KCTD1: variants seen among roughly 807,000 people sequenced by gnomAD.
The protein encoded by KCTD1 is BTB/POZ domain-containing protein KCTD1.
Under a neutral mutation model 66.0 loss-of-function variants are expected in KCTD1, and 24 were observed. That is an observed-to-expected ratio of 0.36 (90% CI 0.26 to 0.51). The LOEUF (loss-of-function observed/expected upper bound fraction) is 0.51, where lower values mean the gene tolerates loss of function less well. KCTD1 is among the 20% of genes least tolerant of loss of function. KCTD1 has a pLI of 0.95. For missense variants in KCTD1, 943 were observed against 1,205.2 expected, an observed-to-expected ratio of 0.78 and a Z score of 3.22; for synonymous variants, 511 against 517.2, an observed-to-expected ratio of 0.99 and a Z score of 0.16.
At chr18:26,487,074 C>T (rs1188735187) in intron 2 of KCTD1, among the ~76,000 whole-genome samples, 2 of 152,190 alleles carry the variant, frequency 1.3e-5, no homozygotes, top group Non-Finnish European at 2.9e-5. Context: ...ACACCCCCAC[C>T]TTACCCCTCC....
At chr18:26,548,807 T>A, upstream of KCTD1, 1 of 1,084,642 alleles carries the variant, frequency 9.2e-7, no homozygotes. Flanking sequence ...CCCACCCGGC[T>A]CCCACTTCTA....
At chr18:26,545,977 T>C (rs568675137) in intron 1 of KCTD1, among the ~76,000 whole-genome samples, 14 of 152,228 alleles carry the variant, frequency 9.2e-5, no homozygotes, top group Admixed American at 2.0e-4. Flanking sequence ...ATCTACTTCG[T>C]AGGTATTATC....
chr18:26,496,740 G>GCACGCACA (rs1555635322), intron 2 of KCTD1, among the ~76,000 whole-genome samples: 6 of 148,094 alleles, frequency 4.1e-5, no homozygotes, highest in African/African-American at 1.2e-4. Flanking sequence ...AAAAGCATGT[G>GCACGCACA]CACACACACA....
At chr18:26,466,884 C>T (rs1980762613) in intron 3 of KCTD1, among the ~76,000 whole-genome samples, 1 of 152,152 alleles carries the variant, frequency 6.6e-6, no homozygotes, top group South Asian at 2.1e-4. Context: ...CTACACATGA[C>T]AAGGCAACCA....
chr18:26,607,933 A>G (rs73405334), intron 1 of KCTD1, among the ~76,000 whole-genome samples: 2,247 of 152,116 alleles, frequency 0.015, 37 homozygotes, highest in African/African-American at 0.048. Context: ...ATACCTGGCT[A>G]ATTTTTAAAA....
chr18:26,536,924 A>T (rs941406404), intron 1 of KCTD1, among the ~76,000 whole-genome samples: 5 of 128,112 alleles, frequency 3.9e-5, no homozygotes, highest in South Asian at 2.3e-4. Context: ...TTCATAAATT[A>T]AAAAAAAAAA....
intron 1 of KCTD1, among the ~76,000 whole-genome samples, chr18:26,522,695 C>T (rs1043671777): frequency 6.6e-6 from 1 of 152,200 alleles, no homozygotes; most frequent in African/African-American, 2.4e-5. Flanking sequence ...AACAGCGAAT[C>T]TGCTTGGAGC....
chr18:26,617,476 A>T (rs1987280326), intron 1 of KCTD1, among the ~76,000 whole-genome samples: 1 of 152,234 alleles, frequency 6.6e-6, no homozygotes. Flanking sequence ...GAAATATGAT[A>T]TGGGAAAATC....
chr18:26,475,963 A>T (rs62087028), intron 3 of KCTD1, among the ~76,000 whole-genome samples: 28,375 of 152,184 alleles, frequency 0.19, 2,792 homozygotes, highest in Admixed American at 0.21. Flanking sequence ...AGAATCATCC[A>T]TTTGAAGAAA....
chr18:26,465,146 T>C (rs1217437693), intron 3 of KCTD1, among the ~76,000 whole-genome samples: 1 of 152,164 alleles, frequency 6.6e-6, no homozygotes, highest in East Asian at 1.9e-4. Flanking sequence ...TGCAATGGCA[T>C]GATCTTAGCT....
At chr18:26,601,464 T>C (rs1986898864) in intron 1 of KCTD1, among the ~76,000 whole-genome samples, 1 of 152,122 alleles carries the variant, frequency 6.6e-6, no homozygotes, top group Admixed American at 6.6e-5. Flanking sequence ...TCTATCCTTA[T>C]GATTACTGGA....
intron 1 of KCTD1, among the ~76,000 whole-genome samples, chr18:26,564,038 G>A (rs894108160): frequency 5.5e-5 from 8 of 144,784 alleles, no homozygotes; most frequent in East Asian, 2.0e-4. Flanking sequence ...TTTTGTATTC[G>A]CATTGCCTAG....
At chr18:26,617,301 A>G (rs1190809119) in intron 1 of KCTD1, among the ~76,000 whole-genome samples, 2 of 152,242 alleles carry the variant, frequency 1.3e-5, no homozygotes, top group Admixed American at 6.5e-5. Flanking sequence ...AACAGGCATT[A>G]CAGTAATCCA....
upstream of KCTD1, among the ~76,000 whole-genome samples, chr18:26,643,623 G>A (rs575066045): frequency 8.9e-4 from 135 of 152,314 alleles, 5 homozygotes; most frequent in South Asian, 0.025. Flanking sequence ...AACAGCCTCC[G>A]TGGGGAATGA....
chr18:26,570,811 C>G (rs151144828), intron 1 of KCTD1, among the ~76,000 whole-genome samples: 1 of 152,290 alleles, frequency 6.6e-6, no homozygotes, highest in African/African-American at 2.4e-5. Context: ...TTGTGTTGAA[C>G]CATCATAAGT....
chr18:26,567,511 A>G (rs185585008), intron 1 of KCTD1, among the ~76,000 whole-genome samples: 2,613 of 142,558 alleles, frequency 0.018, 61 homozygotes, highest in African/African-American at 0.054. Context: ...TTTTTGAGAC[A>G]CAGTCTTACT....
At chr18:26,516,275 A>G (rs1598911761) in intron 1 of KCTD1, among the ~76,000 whole-genome samples, 1 of 152,198 alleles carries the variant, frequency 6.6e-6, no homozygotes, top group African/African-American at 2.4e-5. Context: ...CTGTTTACAT[A>G]CATATTCAGG....
chr18:26,463,101 G>C (rs938528265), intron 3 of KCTD1, among the ~76,000 whole-genome samples: 1 of 152,150 alleles, frequency 6.6e-6, no homozygotes, highest in Non-Finnish European at 1.5e-5. Flanking sequence ...CCACTCAAGA[G>C]TGTGCTAGAT....
At chr18:26,613,848 A>G (rs1235524127) in intron 1 of KCTD1, among the ~76,000 whole-genome samples, 2 of 152,142 alleles carry the variant, frequency 1.3e-5, no homozygotes, top group Non-Finnish European at 1.5e-5. Context: ...GCCTTTGCAC[A>G]TATTGTTCCC....
Sources: gnomAD v4.1 joint callset for allele counts (sites outside exome capture counted in the v4.1 genomes callset) on GRCh38, gnomAD v4.1.1 for gene constraint, MANE v1.5 for transcripts, NCBI Gene and HGNC (gene_info 2026-07-23, HGNC 2026-07-21) for gene names.